The following PCCB variants were observed in gnomAD, a reference collection of about 807,000 sequenced individuals.
PCCB encodes propionyl-CoA carboxylase beta chain, mitochondrial.
In PCCB, 43 loss-of-function variants were observed where a neutral mutation model predicts 60.7. The ratio of observed to expected loss-of-function variants is 0.71; its 90% CI spans 0.55 to 0.91. PCCB has a LOEUF of 0.91. Among genes scored for constraint, PCCB ranks in the 40% least tolerant of loss-of-function variants. The pLI, the probability that PCCB is intolerant of heterozygous loss-of-function variation, is 0.00. For missense variants in PCCB, 766 were observed against 702.8 expected (o/e 1.09, Z -1.02); for synonymous variants, 276 against 255.9 (o/e 1.08, Z -0.75).
At chr3:136,278,313 T>C (rs1009448809) in intron 5 of PCCB, among the ~76,000 whole-genome samples, 6 of 152,178 alleles carry the variant, frequency 3.9e-5, no homozygotes, top group African/African-American at 9.7e-5. Context: ...CCTTGTCTTA[T>C]GGTTTAGGCT....
intron 10 of PCCB, among the ~76,000 whole-genome samples, chr3:136,318,457 C>T (rs1934993060): frequency 6.6e-6 from 1 of 152,166 alleles, no homozygotes; most frequent in South Asian, 2.1e-4. Flanking sequence ...AGTAGTGCAA[C>T]CGCAGTGATT....
intron 7 of PCCB, among the ~76,000 whole-genome samples, chr3:136,295,835 T>G (rs922745564): frequency 1.4e-5 from 2 of 140,630 alleles, no homozygotes; most frequent in African/African-American, 5.2e-5. Flanking sequence ...GTAACCTGAG[T>G]TTTTTTTTTT....
chr3:136,260,148 A>G (rs1346017004), intron 3 of PCCB: 2 of 416,896 alleles, frequency 4.8e-6, no homozygotes, highest in Admixed American at 7.1e-5. Flanking sequence ...GTCTCAACTC[A>G]CTGAAGCCTC....
intron 5 of PCCB, among the ~76,000 whole-genome samples, chr3:136,266,370 C>G (rs1178392324): frequency 6.6e-6 from 1 of 152,128 alleles, no homozygotes; most frequent in Non-Finnish European, 1.5e-5. Context: ...TTCAAACGAT[C>G]CATCTGCCTT....
rs1576341700 is a variant in PCCB at position 136,301,105 on chromosome 3, A to G, written c.960A>G (p.Ile320Met). The G allele has an allele frequency of 1.2e-6, 2 of 1,611,166 alleles. No individual in the cohort carries two copies. Among genetic ancestry groups the G allele is most frequent in the African/African-American group, 1.3e-5 (1 of 75,004 alleles). ...AAGCCTACAACATGGTGGACATCATACACTCTGTAAGTGCCACATCTGTTT... is the reference window on the plus strand; with the variant it reads ...AAGCCTACAACATGGTGGACATCATGCACTCTGTAAGTGCCACATCTGTTT... ...STKAYNMVDIIHSVVDEREFF... is the reference protein window; with the variant it reads ...STKAYNMVDIMHSVVDEREFF... The change falls in exon 9 of 15, where the codon ATA becomes ATG. Residue 320 changes from isoleucine (I) to methionine (M), a missense_variant. Physicochemically the swap from Ile to Met is conservative, Grantham distance 10. Coordinates refer to ENST00000251654, the MANE Select transcript of PCCB (RefSeq NM_000532.5).
intron 8 of PCCB, among the ~76,000 whole-genome samples, chr3:136,298,977 G>A (rs142410269): frequency 6.6e-6 from 1 of 152,240 alleles, no homozygotes; most frequent in African/African-American, 2.4e-5. Context: ...ACTCCACAAG[G>A]GACATACCCA....
intron 7 of PCCB, among the ~76,000 whole-genome samples, chr3:136,296,537 CT>C (rs1933948931): frequency 6.6e-6 from 1 of 152,180 alleles, no homozygotes; most frequent in South Asian, 2.1e-4. Flanking sequence ...GTCATTTCCA[CT>C]TTTCGGCTAT....
intron 6 of PCCB, among the ~76,000 whole-genome samples, chr3:136,289,984 T>C (rs1933600100): frequency 6.6e-6 from 1 of 152,200 alleles, no homozygotes; most frequent in Non-Finnish European, 1.5e-5. Context: ...CACTTGGTCT[T>C]AGCCAAAAGG....
chr3:136,284,317 T>TATGTTTCA (rs67922183), intron 6 of PCCB, among the ~76,000 whole-genome samples: 1 of 151,574 alleles, frequency 6.6e-6, no homozygotes, highest in East Asian at 1.9e-4. Flanking sequence ...AGTTGTTTCT[T>TATGTTTCA]CCTTTATTTC....
At chr3:136,256,816 T>TGG (rs1023117069) in intron 3 of PCCB, among the ~76,000 whole-genome samples, 193 bp downstream of exon 3, 1 of 152,144 alleles carries the variant, frequency 6.6e-6, no homozygotes, top group Admixed American at 6.6e-5. Flanking sequence ...TAGTCTGTTT[T>TGG]GGGGGGGATC....
chr3:136,257,466 A>C (rs2108139446), intron 3 of PCCB, among the ~76,000 whole-genome samples: 1 of 152,320 alleles, frequency 6.6e-6, no homozygotes, highest in South Asian at 2.1e-4. Context: ...ATAGAACTAT[A>C]AGATAATACA....
rs780908084 is a variant in PCCB at position 136,303,589 on chromosome 3, C to CTTAT, written c.966+2490_966+2493dup. Among the ~76,000 whole-genome samples the CTTAT allele has an allele frequency of 9.0e-5, 11 of 121,592 alleles. 2 individuals are homozygous for CTTAT. The highest frequency in any genetic ancestry group is 8.9e-4 in the Admixed American group (9 of 10,100). 79.8% of individuals were successfully genotyped at this position (121,592 alleles called of 152,430 possible). On this transcript the variant is annotated intron_variant, in intron 9 of 14. Coordinates refer to ENST00000251654, the MANE Select transcript of PCCB (RefSeq NM_000532.5). ...TGGTATCGATGTTGTATTTGCTTTA[C>CTTAT]TTATTTATTTATTTAAAAAAAATTT...
chr3:136,260,518 G>A lies in PCCB; in HGVS notation c.412G>A (p.Ala138Thr). ...VFGGSLSGAH[A>T]QKICKIMDQA... ...TGGAGGCAGTCTGTCAGGAGCACAT[G>A]CCCAAAAGATCTGCAAAGTAAGTGT... The change falls in exon 4 of 15, where the codon GCC becomes ACC. Residue 138 changes from alanine (A) to threonine (T), a missense_variant. Transcript: ENST00000251654. 6.2e-7 allele frequency: 1 copy of A among 1,613,362 alleles called. No homozygotes were observed. The highest frequency in any genetic ancestry group is 8.5e-7 in the Non-Finnish European group (1 of 1,179,400).
intron 9 of PCCB, among the ~76,000 whole-genome samples, chr3:136,301,897 C>G (rs1028510031): frequency 6.6e-6 from 1 of 152,136 alleles, no homozygotes; most frequent in African/African-American, 2.4e-5. Flanking sequence ...TTCTAATTTT[C>G]CCTGCATATG....
rs188897298 is a variant in PCCB at position 136,275,821 on chromosome 3, A to G, written c.544-8016A>G. Among the ~76,000 whole-genome samples the G allele has an allele frequency of 3.9e-3, 595 of 152,144 alleles. 2 individuals are homozygous for G. The highest frequency in any genetic ancestry group is 0.031 in the Middle Eastern group (9 of 294). ...CGTCTCGCTCTGTCACTCAGGCTGG[A>G]GTGCAGTGGCACAATCTTGGCTCAC... On this transcript the variant is annotated intron_variant, in intron 5 of 14. Transcript: ENST00000251654.
chr3:136,318,562 TCAGCCTC>T (rs1934997289), intron 10 of PCCB, among the ~76,000 whole-genome samples: 1 of 152,232 alleles, frequency 6.6e-6, no homozygotes, highest in African/African-American at 2.4e-5. Flanking sequence ...ACTATTTATC[TCAGCCTC>T]CAGCCTTTGC....
At chr3:136,307,629 A>C (rs1428729863) in intron 9 of PCCB, among the ~76,000 whole-genome samples, 1 of 151,994 alleles carries the variant, frequency 6.6e-6, no homozygotes, top group South Asian at 2.1e-4. Flanking sequence ...AAAGGGGAAA[A>C]ATAAAAAAAA....
chr3:136,277,757 T>C (rs568470143), intron 5 of PCCB, among the ~76,000 whole-genome samples: 48 of 152,284 alleles, frequency 3.2e-4, no homozygotes, highest in African/African-American at 1.2e-3. Context: ...CAGATCTCAC[T>C]CCCTCTGTGC....
chr3:136,267,082 A>G (rs925293565), intron 5 of PCCB, among the ~76,000 whole-genome samples: 3 of 152,094 alleles, frequency 2.0e-5, no homozygotes, highest in Non-Finnish European at 4.4e-5. Flanking sequence ...ATAGGGTTTC[A>G]CCATGTTGCC....
Sources: allele counts gnomAD v4.1 joint callset (sites outside exome capture counted in the v4.1 genomes callset), GRCh38; gene constraint gnomAD v4.1.1; transcripts MANE v1.5; gene names NCBI Gene and HGNC (gene_info 2026-07-23, HGNC 2026-07-21).